DCUN1D4: variants seen among roughly 807,000 people sequenced by gnomAD.
The protein encoded by DCUN1D4 is defective in cullin neddylation 1 domain containing 4.
Under a neutral mutation model 47.9 loss-of-function variants are expected in DCUN1D4, and 22 were observed. The observed-to-expected ratio is 0.46, with a 90% CI of 0.33 to 0.66. The LOEUF (loss-of-function observed/expected upper bound fraction) is 0.66. Ranked by LOEUF, DCUN1D4 falls within the 30% of genes least tolerant of loss-of-function variation. DCUN1D4 has a pLI of 0.02. For synonymous variants in DCUN1D4, 121 were observed against 112.2 expected, an observed-to-expected ratio of 1.08 and a Z score of -0.50; for missense variants, 301 against 340.8, an observed-to-expected ratio of 0.88 and a Z score of 0.92.
At chr4:51,913,494 A>C (rs753023556) in intron 10 of DCUN1D4, 35 bp from the exon 11 acceptor site, 1 of 1,581,906 alleles carries the variant, frequency 6.3e-7, no homozygotes, top group South Asian at 1.1e-5. Flanking sequence ...TGTTATTATT[A>C]TTATTATTAC....
chr4:51,841,524 T>C (rs954551732), upstream of DCUN1D4, among the ~76,000 whole-genome samples: 1 of 152,186 alleles, frequency 6.6e-6, no homozygotes, highest in African/African-American at 2.4e-5. Context: ...TATGAGAGAT[T>C]CTTGTCTTGC....
At chr4:51,881,928 G>C (rs1191875664) in intron 5 of DCUN1D4, among the ~76,000 whole-genome samples, 2 of 152,164 alleles carry the variant, frequency 1.3e-5, no homozygotes, top group African/African-American at 4.8e-5. Context: ...AACAATTTGG[G>C]AGGCTGAGGT....
At chr4:51,876,180 A>G (rs1256352735) in intron 4 of DCUN1D4, among the ~76,000 whole-genome samples, 4 of 152,192 alleles carry the variant, frequency 2.6e-5, no homozygotes, top group Non-Finnish European at 4.4e-5. Flanking sequence ...ATGTCCAACA[A>G]TGATAGACTG....
At chr4:51,873,754 G>A (rs1727253499) in intron 3 of DCUN1D4, among the ~76,000 whole-genome samples, 1 of 152,140 alleles carries the variant, frequency 6.6e-6, no homozygotes, top group Non-Finnish European at 1.5e-5. Flanking sequence ...AAATTGTTGT[G>A]GACATTTTGC....
intron 4 of DCUN1D4, among the ~76,000 whole-genome samples, chr4:51,875,683 A>G (rs1013496228): frequency 2.0e-5 from 3 of 152,108 alleles, no homozygotes; most frequent in African/African-American, 7.2e-5. Context: ...CCACTAATCT[A>G]CTTTGTCTCG....
intron 7 of DCUN1D4, among the ~76,000 whole-genome samples, chr4:51,898,972 T>G (rs1228238404): frequency 6.6e-6 from 1 of 152,228 alleles, no homozygotes; most frequent in Non-Finnish European, 1.5e-5. Flanking sequence ...TGAAGTTTCA[T>G]TATGTTTGCA....
chr4:51,847,170 C>T (rs1722685451), intron 1 of DCUN1D4, among the ~76,000 whole-genome samples: 1 of 152,054 alleles, frequency 6.6e-6, no homozygotes, highest in South Asian at 2.1e-4. Flanking sequence ...CAGGTTATAT[C>T]CCTGAACCAG....
chr4:51,841,204 CAT>C (rs143873083), upstream of DCUN1D4, among the ~76,000 whole-genome samples: 4,239 of 152,040 alleles, frequency 0.028, 91 homozygotes, highest in African/African-American at 0.052. Context: ...TGCAAAATAA[CAT>C]GTGTCTCAGT....
chr4:51,834,691 C>A, the DCUN1D4 span, among the ~76,000 whole-genome samples: 4 of 152,206 alleles, frequency 2.6e-5, no homozygotes, highest in Non-Finnish European at 4.4e-5. Flanking sequence ...TGGGAGCAGT[C>A]TGTCCAGGAG....
intron 7 of DCUN1D4, among the ~76,000 whole-genome samples, chr4:51,897,654 C>G (rs918122156): frequency 6.6e-6 from 1 of 152,076 alleles, no homozygotes; most frequent in African/African-American, 2.4e-5. Context: ...TTATTATCAC[C>G]AAGGCTCCCT....
intron 1 of DCUN1D4, 135 bp downstream of exon 1, chr4:51,843,402 C>T (rs909098177): frequency 2.1e-5 from 27 of 1,291,752 alleles, no homozygotes; most frequent in Middle Eastern, 2.8e-4. Flanking sequence ...CACCCCTTCC[C>T]CTCCCGGGGC....
chr4:51,891,666 G>A, intron 6 of DCUN1D4, 94 bp from the exon 7 acceptor site: 1 of 970,022 alleles, frequency 1.0e-6, no homozygotes, highest in East Asian at 2.7e-5. Flanking sequence ...GAAGCATTTA[G>A]CAAAACGTTA....
chr4:51,896,641 A>G (rs150867451), intron 7 of DCUN1D4, among the ~76,000 whole-genome samples: 1,754 of 152,166 alleles, frequency 0.012, 35 homozygotes, highest in African/African-American at 0.036. Flanking sequence ...TATAGTGCGA[A>G]TTCAGCCCTG....
chr4:51,848,310 C>T (rs1722869733), intron 1 of DCUN1D4: 6 of 1,287,450 alleles, frequency 4.7e-6, no homozygotes, highest in Non-Finnish European at 5.1e-6. Context: ...TGCACACGTC[C>T]GTTTCTGGTC....
intron 8 of DCUN1D4, among the ~76,000 whole-genome samples, chr4:51,904,832 G>A (rs551940777): frequency 6.6e-6 from 1 of 152,152 alleles, no homozygotes; most frequent in East Asian, 1.9e-4. Context: ...CTAGAAAAGT[G>A]GACTCCTGGA....
chr4:51,902,979 A>G (rs1732343628), intron 8 of DCUN1D4, among the ~76,000 whole-genome samples: 1 of 152,004 alleles, frequency 6.6e-6, no homozygotes, highest in Non-Finnish European at 1.5e-5. Flanking sequence ...GTGTACTTTC[A>G]TTTTGCCCTC....
chr4:51,837,950 G>T, the DCUN1D4 span, among the ~76,000 whole-genome samples: 31 of 152,204 alleles, frequency 2.0e-4, no homozygotes, highest in African/African-American at 7.0e-4. Flanking sequence ...GCTTGAGGCG[G>T]GCAGATCACT....
intron 1 of DCUN1D4, chr4:51,843,553 G>C (rs1010597569): frequency 1.6e-6 from 2 of 1,268,940 alleles, no homozygotes; most frequent in African/African-American, 3.2e-5. Context: ...CTGGACGTGC[G>C]ATGAAGGGCC....
intron 1 of DCUN1D4, among the ~76,000 whole-genome samples, chr4:51,856,478 ATTACT>A (rs536943565): frequency 1.6e-4 from 25 of 152,294 alleles, no homozygotes; most frequent in African/African-American, 6.0e-4. Context: ...TTAATATTAA[ATTACT>A]TTAAGTGTGT....
Sources: allele counts gnomAD v4.1 joint callset (sites outside exome capture counted in the v4.1 genomes callset), GRCh38; gene constraint gnomAD v4.1.1; transcripts MANE v1.5; gene names NCBI Gene and HGNC (gene_info 2026-07-23, HGNC 2026-07-21).